KDR: variants seen among roughly 807,000 people sequenced by gnomAD.
KDR encodes the protein vascular endothelial growth factor receptor 2.
A neutral mutation model predicts 160.9 loss-of-function variants in KDR; 43 were observed. The observed-to-expected ratio is 0.27, with a 90% confidence interval of 0.21 to 0.34. The LOEUF (loss-of-function observed/expected upper bound fraction) is 0.34. KDR is among the 10% of genes least tolerant of loss of function. The probability of loss-of-function intolerance (pLI) is 1.00; values close to 1 mark genes in which losing one functional copy is unlikely to be tolerated. For synonymous variants in KDR, 617 were observed against 600.1 expected, an observed-to-expected ratio of 1.03 and a Z score of -0.41; for missense variants, 1,469 against 1,666.4, an observed-to-expected ratio of 0.88 and a Z score of 2.06.
rs372273921 is a variant in KDR, at chr4:55,088,687, A to G, written c.3510+181T>C. Among the ~76,000 whole-genome samples, 15 of 152,366 alleles carry G rather than the reference A, an allele frequency of 9.8e-5. 1 individual carries two copies. The highest frequency in any genetic ancestry group is 8.5e-4 in the Admixed American group (13 of 15,312). On this transcript the variant is annotated intron_variant, in intron 26 of 29. Coordinates refer to ENST00000263923, the MANE Select transcript of KDR (RefSeq NM_002253.4). ...CTCCCGGGTTATAAATTAGAATCCT[A>G]TCTGTCTAAAAGGGTAATTACAGCT...
intron 13 of KDR, among the ~76,000 whole-genome samples, chr4:55,103,199 A>G (rs1209431420): frequency 2.0e-5 from 3 of 152,218 alleles, no homozygotes; most frequent in African/African-American, 7.2e-5. Flanking sequence ...AATGAAGCCC[A>G]TGAGTATTTG....
intron 2 of KDR, among the ~76,000 whole-genome samples, chr4:55,119,942 C>T (rs1483615446): frequency 6.6e-6 from 1 of 152,136 alleles, no homozygotes; most frequent in Non-Finnish European, 1.5e-5. Context: ...TTACTTTTAA[C>T]ACACTCCATG....
At chr4:55,116,180 G>T (rs1389084605) in intron 3 of KDR, among the ~76,000 whole-genome samples, 1 of 152,142 alleles carries the variant, frequency 6.6e-6, no homozygotes, top group South Asian at 2.1e-4. Flanking sequence ...ACTTTGGGAG[G>T]CTGAGGCAGG....
intron 1 of KDR, among the ~76,000 whole-genome samples, 161 bp downstream of exon 1, chr4:55,125,066 A>C (rs1720996453): frequency 6.6e-6 from 1 of 152,194 alleles, no homozygotes; most frequent in African/African-American, 2.4e-5. Context: ...ATCTTGGGCC[A>C]GTCTCTGAGC....
intron 25 of KDR, 22 bp downstream of exon 25, chr4:55,089,352 G>A (rs201529809): frequency 1.3e-6 from 2 of 1,534,938 alleles, no homozygotes; most frequent in East Asian, 2.2e-5. Context: ...AGAGAACACA[G>A]GAATACTTCT....
At chr4:55,083,201 CCCT>C (rs1719780856) in intron 27 of KDR, among the ~76,000 whole-genome samples, 1 of 152,062 alleles carries the variant, frequency 6.6e-6, no homozygotes, top group Non-Finnish European at 1.5e-5. Context: ...TCTCACTGTC[CCCT>C]CGTTTTCGCC....
chr4:55,102,617 A>C (rs1437273936), intron 13 of KDR, 109 bp from the exon 14 acceptor site: 3 of 1,178,540 alleles, frequency 2.5e-6, no homozygotes, highest in African/African-American at 1.5e-5. Flanking sequence ...GAACTTGTTG[A>C]TATATTAACT....
intron 2 of KDR, among the ~76,000 whole-genome samples, chr4:55,119,085 T>C (rs947683438): frequency 1.3e-5 from 2 of 152,080 alleles, no homozygotes; most frequent in Non-Finnish European, 2.9e-5. Flanking sequence ...GGCGCATGCC[T>C]GTAATCCCAG....
chr4:55,109,450 G>A (rs1201250812), intron 9 of KDR, among the ~76,000 whole-genome samples: 3 of 152,062 alleles, frequency 2.0e-5, no homozygotes, highest in African/African-American at 7.2e-5. Context: ...AGAGTATCAG[G>A]ACACGTAGGG....
At chr4:55,105,668 C>T (rs987205342) in intron 12 of KDR, among the ~76,000 whole-genome samples, 164 bp downstream of exon 12, 2 of 152,132 alleles carry the variant, frequency 1.3e-5, no homozygotes, top group African/African-American at 4.8e-5. Context: ...CCAGGAGATA[C>T]CTGAGAAGTT....
intron 21 of KDR, among the ~76,000 whole-genome samples, chr4:55,093,164 C>T (rs1720062090): frequency 1.3e-5 from 2 of 152,160 alleles, no homozygotes; most frequent in Non-Finnish European, 2.9e-5. Flanking sequence ...AAAAGTCAAA[C>T]TATAATCTGC....
In KDR at chr4:55,125,505, A is replaced by C. The variant is rs113321180; in HGVS notation, c.-212T>G. 3.2e-6 allele frequency: 2 copies of C among 617,576 alleles called. No individual in the cohort carries two copies. Among genetic ancestry groups the C allele is most frequent in the East Asian group, 5.5e-5 (2 of 36,496 alleles). The allele number at this position is 617,576 out of a possible 1,614,324, so 38.3% of individuals were successfully genotyped here. On this transcript the variant is annotated 5_prime_UTR_variant, in exon 1 of 30. Coordinates refer to ENST00000263923, the MANE Select transcript of KDR (RefSeq NM_002253.4). ...AGAGGATATCCAGGCTGCCAGACGGACTTTCTGCGGCGCGCAAGTGATGCC... is the reference window on the plus strand; with the variant it reads ...AGAGGATATCCAGGCTGCCAGACGGCCTTTCTGCGGCGCGCAAGTGATGCC...
chr4:55,095,087 T>A, intron 20 of KDR, 132 bp from the exon 21 acceptor site: 2 of 891,024 alleles, frequency 2.2e-6, no homozygotes, highest in South Asian at 1.6e-5. Context: ...GGACATCAAT[T>A]TCAGGATTAT....
In KDR at chr4:55,107,865, T is replaced by C. The variant is rs143260608; in HGVS notation, c.1284A>G (p.Leu428=). The stretch of plus-strand genomic sequence containing the variant: ...ACTGGTAGGAATCCACAGGAGAGAT[T>C]AGAGATTTCTCACCAATCTGGGGTG... The part of the protein sequence containing the change: ...YVPPQIGEKS[L]ISPVDSYQYG... Residue 428 remains leucine (L), a synonymous_variant, in exon 10 of 30, where the codon CTA becomes CTG. Transcript: ENST00000263923. The C allele has an allele frequency of 8.1e-6, 13 of 1,613,764 alleles. No homozygotes were observed. The highest frequency in any genetic ancestry group is 9.3e-6 in the Non-Finnish European group (11 of 1,179,882).
rs1449267006 is a variant in KDR, at chr4:55,104,780, A to G, written c.1850T>C (p.Phe617Ser). ...DTLWKLNATM[F>S]SNSTNDILIM... is the part of the protein sequence containing the mutation. ...CAAAATGTCATTTGTGCTATTAGAG[A>G]ACATGGTGGCATTCAATTTCCAAAG... The change falls in exon 13 of 30, where the codon TTC becomes TCC. Residue 617 changes from phenylalanine to serine, a missense_variant. Coordinates refer to ENST00000263923, the MANE Select transcript of KDR (RefSeq NM_002253.4). 3.7e-6 allele frequency: 6 copies of G among 1,613,832 alleles called. No individual in the cohort carries two copies. Among genetic ancestry groups the G allele is most frequent in the East Asian group, 4.5e-5 (2 of 44,874 alleles).
chr4:55,113,215 G>A lies in KDR; in HGVS notation c.976+89C>T, dbSNP rs574230690. ...AAAAACTAGAAACTATCTTCTGAAT[G>A]AACAAAATAGGAATCACTAAGTGAC... is the stretch of plus-strand genomic sequence containing the variant. On this transcript the variant is annotated intron_variant, in intron 7 of 29. Transcript: ENST00000263923. 34 of 1,375,486 alleles carry A rather than the reference G, an allele frequency of 2.5e-5. No individual in the cohort carries two copies. The East Asian group carries it at 3.4e-4, about 14-fold the overall frequency. 85.2% of individuals were successfully genotyped at this position (1,375,486 alleles called of 1,614,324 possible).
rs754837622 is a variant in KDR at position 55,118,755 on chromosome 4, G to A, written c.207C>T (p.Gly69=). Residue 69 remains glycine (G), a synonymous_variant, in exon 3 of 30, where the codon GGC becomes GGT. Coordinates refer to ENST00000263923, the MANE Select transcript of KDR (RefSeq NM_002253.4). ...CAGTCACCTCCACCCTTTGCTCACT[G>A]CCACTCTGATTATTGGGCCAAAGCC... ...LDWLWPNNQS[G]SEQRVEVTEC... is the part of the protein sequence containing the mutation. 35 of 1,614,124 alleles carry A rather than the reference G, an allele frequency of 2.2e-5. 1 individual carries two copies. In the South Asian group the frequency reaches 3.7e-4, roughly 17 times the overall value.
In KDR at chr4:55,078,919, C is replaced by T. The variant is rs562951982; in HGVS notation, c.*1022G>A. 2.7e-4 allele frequency: 63 copies of T among 233,116 alleles called. No homozygotes were observed. In the South Asian group the frequency reaches 7.4e-3, roughly 27 times the overall value. 14.4% of individuals were successfully genotyped at this position (233,116 alleles called of 1,614,324 possible). On this transcript the variant is annotated 3_prime_UTR_variant, in exon 30 of 30. Coordinates refer to ENST00000263923, the MANE Select transcript of KDR (RefSeq NM_002253.4). ...AAATAACTAAAATACTGATGGGTTG[C>T]GGGGTGAGAGTGGGTTGGGGACAGG...
chr4:55,101,868 T>C, intron 15 of KDR, 29 bp downstream of exon 15: 2 of 1,585,650 alleles, frequency 1.3e-6, no homozygotes, highest in Non-Finnish European at 1.7e-6. Flanking sequence ...ATGGTGTATA[T>C]GTACCACATT....
Sources: allele counts gnomAD v4.1 joint callset (sites outside exome capture counted in the v4.1 genomes callset), GRCh38; gene constraint gnomAD v4.1.1; transcripts MANE v1.5; gene names NCBI Gene and HGNC (gene_info 2026-07-23, HGNC 2026-07-21).